Variants in FHIT observed in about 807,000 individuals in gnomAD.
FHIT encodes bis(5'-adenosyl)-triphosphatase.
In FHIT, 19 loss-of-function variants were observed where a neutral mutation model predicts 17.9. The observed-to-expected ratio is 1.06, with a 90% CI of 0.74 to 1.56. The LOEUF (loss-of-function observed/expected upper bound fraction) is 1.56, where lower values mean the gene tolerates loss of function less well. Ranked by LOEUF, FHIT falls within the 40% of genes most tolerant of loss-of-function variation. The pLI is 0.00. For missense variants in FHIT, 248 were observed against 189.2 expected, an observed-to-expected ratio of 1.31 and a Z score of -1.82; for synonymous variants, 81 against 69.7, an observed-to-expected ratio of 1.16 and a Z score of -0.81.
chr3:59,976,981 G>T (rs1456145916), intron 7 of FHIT, among the ~76,000 whole-genome samples: 1 of 152,090 alleles, frequency 6.6e-6, no homozygotes, highest in Non-Finnish European at 1.5e-5. Flanking sequence ...CACACCACCT[G>T]GTTGGGGTTG....
intron 7 of FHIT, among the ~76,000 whole-genome samples, chr3:59,938,107 C>A (rs1706331467): frequency 6.6e-6 from 1 of 152,084 alleles, no homozygotes; most frequent in Non-Finnish European, 1.5e-5. Context: ...ACCCTCATGT[C>A]CACTGCAGCA....
chr3:60,011,119 G>A (rs184011966), intron 7 of FHIT, among the ~76,000 whole-genome samples: 1 of 152,066 alleles, frequency 6.6e-6, no homozygotes, highest in African/African-American at 2.4e-5. Context: ...CGGACTCCTT[G>A]ATTTAGTTTC....
intron 4 of FHIT, among the ~76,000 whole-genome samples, chr3:60,778,187 C>A (rs1025012167): frequency 3.3e-5 from 5 of 152,122 alleles, no homozygotes; most frequent in Non-Finnish European, 5.9e-5. Context: ...ATGCTATCAA[C>A]CATAATTAAG....
intron 3 of FHIT, among the ~76,000 whole-genome samples, chr3:60,923,755 C>A (rs1419983056): frequency 1.3e-5 from 2 of 152,104 alleles, no homozygotes; most frequent in African/African-American, 4.8e-5. Context: ...CAAAGCAGGG[C>A]AAGGCATCAT....
intron 8 of FHIT, among the ~76,000 whole-genome samples, chr3:59,881,226 T>C (rs747117032): frequency 6.6e-6 from 1 of 152,200 alleles, no homozygotes; most frequent in Non-Finnish European, 1.5e-5. Flanking sequence ...TGGCTATAGA[T>C]ACCTGCTTCT....
At chr3:60,182,003 T>A (rs536111803) in intron 5 of FHIT, among the ~76,000 whole-genome samples, 2 of 152,328 alleles carry the variant, frequency 1.3e-5, no homozygotes, top group East Asian at 3.9e-4. Flanking sequence ...TGGTGGGGAC[T>A]TTTAATTATA....
intron 3 of FHIT, among the ~76,000 whole-genome samples, chr3:60,915,426 GT>G (rs547068541): frequency 3.6e-4 from 55 of 152,246 alleles, no homozygotes; most frequent in African/African-American, 1.3e-3. Flanking sequence ...ACTTCTATTT[GT>G]TGTTGAAAAG....
chr3:60,959,809 T>C (rs115852210), intron 3 of FHIT, among the ~76,000 whole-genome samples: 7,300 of 151,280 alleles, frequency 0.048, 230 homozygotes, highest in South Asian at 0.07. Context: ...TTCTTTTTTT[T>C]TTTTTTTTTA....
chr3:60,622,587 T>G (rs1305621779), intron 4 of FHIT, among the ~76,000 whole-genome samples: 2 of 152,186 alleles, frequency 1.3e-5, no homozygotes, highest in African/African-American at 4.8e-5. Flanking sequence ...TATTAAGTCA[T>G]GCAAATAAAT....
At chr3:60,672,009 T>A (rs1279336252) in intron 4 of FHIT, among the ~76,000 whole-genome samples, 1 of 152,192 alleles carries the variant, frequency 6.6e-6, no homozygotes, top group Admixed American at 6.5e-5. Flanking sequence ...TTATGATATG[T>A]CCCTCTTTAT....
At chr3:60,141,612 T>A (rs529185430) in intron 5 of FHIT, among the ~76,000 whole-genome samples, 23 of 152,242 alleles carry the variant, frequency 1.5e-4, no homozygotes, top group African/African-American at 5.3e-4. Flanking sequence ...TCAACAAATA[T>A]ATTCACTGAG....
At chr3:60,016,177 G>A (rs1700337525) in intron 5 of FHIT, among the ~76,000 whole-genome samples, 1 of 152,194 alleles carries the variant, frequency 6.6e-6, no homozygotes, top group South Asian at 2.1e-4. Flanking sequence ...AACCTTTAAA[G>A]AATTAAAGTT....
intron 1 of FHIT, among the ~76,000 whole-genome samples, chr3:61,205,513 T>C (rs906783459): frequency 2.6e-5 from 4 of 152,182 alleles, no homozygotes; most frequent in African/African-American, 9.7e-5. Flanking sequence ...TGATTGCCAT[T>C]CTAACTGGTG....
intron 5 of FHIT, among the ~76,000 whole-genome samples, chr3:60,329,840 T>C (rs1287503081): frequency 1.3e-5 from 2 of 152,216 alleles, no homozygotes; most frequent in Non-Finnish European, 2.9e-5. Flanking sequence ...ACTTTGTGGC[T>C]ACTAGTGAAC....
intron 3 of FHIT, among the ~76,000 whole-genome samples, chr3:60,925,345 G>A (rs1052535576): frequency 1.8e-4 from 27 of 152,322 alleles, no homozygotes; most frequent in Admixed American, 1.2e-3. Context: ...AGCCCATTCA[G>A]ACTAACAGCA....
chr3:60,649,609 T>C (rs553655772), intron 4 of FHIT, among the ~76,000 whole-genome samples: 9 of 152,210 alleles, frequency 5.9e-5, no homozygotes, highest in East Asian at 3.9e-4. Flanking sequence ...AACAAAATAG[T>C]ATTACTGGAT....
intron 4 of FHIT, among the ~76,000 whole-genome samples, chr3:60,797,825 T>A (rs916426263): frequency 6.6e-5 from 10 of 151,976 alleles, no homozygotes; most frequent in Admixed American, 2.6e-4. Flanking sequence ...AAATGTTTTT[T>A]ATTAGCTAAC....
intron 7 of FHIT, among the ~76,000 whole-genome samples, chr3:59,950,403 TATCAGGCACATGCCAGCCTTGGG>T (rs1707054834): frequency 6.6e-6 from 1 of 152,136 alleles, no homozygotes; most frequent in South Asian, 2.1e-4. Context: ...CTTCCCATCA[TATCAGGCACATGCCAGCCTTGGG>T]CAAATCCCCC....
intron 8 of FHIT, among the ~76,000 whole-genome samples, chr3:59,839,318 C>A (rs1701448753): frequency 3.0e-5 from 4 of 132,594 alleles, no homozygotes; most frequent in African/African-American, 1.1e-4. Flanking sequence ...ACTTCATTTT[C>A]AAAAAAAAAA....
Sources: gnomAD v4.1 joint callset for allele counts (sites outside exome capture counted in the v4.1 genomes callset) on GRCh38, gnomAD v4.1.1 for gene constraint, MANE v1.5 for transcripts, NCBI Gene and HGNC (gene_info 2026-07-23, HGNC 2026-07-21) for gene names.